FAM193A: variants seen among roughly 807,000 people sequenced by gnomAD.
FAM193A encodes family with sequence similarity 193 member A.
A neutral mutation model predicts 126.5 loss-of-function variants in FAM193A; 22 were observed. That is an observed-to-expected ratio of 0.17 (90% CI 0.12 to 0.25). The LOEUF (loss-of-function observed/expected upper bound fraction) is 0.25. Among genes scored for constraint, FAM193A ranks in the 10% least tolerant of loss-of-function variants. The pLI, the probability that FAM193A is intolerant of heterozygous loss-of-function variation, is 1.00. For missense variants in FAM193A, 1,675 were observed against 1,672.8 expected, an observed-to-expected ratio of 1.00 and a Z score of -0.02; for synonymous variants, 761 against 646.8, an observed-to-expected ratio of 1.18 and a Z score of -2.68.
At chr4:2,590,537 G>GA (rs1740511503) in intron 1 of FAM193A, among the ~76,000 whole-genome samples, 1 of 126,110 alleles carries the variant, frequency 7.9e-6, no homozygotes, top group African/African-American at 2.8e-5. Flanking sequence ...TTAAAAAACA[G>GA]AAAATTGTGA....
intron 13 of FAM193A, among the ~76,000 whole-genome samples, chr4:2,684,254 G>A (rs1341184224): frequency 6.6e-6 from 1 of 152,082 alleles, no homozygotes; most frequent in African/African-American, 2.4e-5. Context: ...TTTTCTCCCA[G>A]TTCCATGTTC....
intron 20 of FAM193A, among the ~76,000 whole-genome samples, chr4:2,725,158 C>T (rs561137503): frequency 7.9e-5 from 12 of 152,116 alleles, no homozygotes; most frequent in Admixed American, 5.9e-4. Flanking sequence ...GGATTACAGG[C>T]GTGAGCCACC....
intron 2 of FAM193A, among the ~76,000 whole-genome samples, chr4:2,598,279 C>G (rs1348004064): frequency 6.6e-6 from 1 of 152,120 alleles, no homozygotes; most frequent in African/African-American, 2.4e-5. Flanking sequence ...GAGAGTTACC[C>G]AAAATGTTGC....
chr4:2,730,470 C>T (rs372665942), intron 20 of FAM193A, among the ~76,000 whole-genome samples: 18 of 152,168 alleles, frequency 1.2e-4, no homozygotes, highest in African/African-American at 3.6e-4. Context: ...GAGGGCAGAT[C>T]ACAAGGTCAG....
intron 19 of FAM193A, among the ~76,000 whole-genome samples, chr4:2,706,379 C>G (rs1053810657): frequency 2.1e-5 from 3 of 144,720 alleles, no homozygotes; most frequent in African/African-American, 7.6e-5. Flanking sequence ...TCACTGCAAC[C>G]CCTGCCTCCT....
intron 1 of FAM193A, among the ~76,000 whole-genome samples, chr4:2,540,953 T>A (rs1405072698): frequency 1.4e-5 from 2 of 142,688 alleles, no homozygotes; most frequent in African/African-American, 2.7e-5. Flanking sequence ...AGTGCAAGAC[T>A]GTGTCTCAAA....
At chr4:2,577,055 T>C (rs1312166262) in intron 1 of FAM193A, among the ~76,000 whole-genome samples, 1 of 152,238 alleles carries the variant, frequency 6.6e-6, no homozygotes, top group Non-Finnish European at 1.5e-5. Flanking sequence ...TGTTACCTTA[T>C]CTAAGGTTTT....
rs116466071 is a variant in FAM193A at position 2,681,609 on chromosome 4, C to T, written c.2332-7897C>T. On this transcript the variant is annotated intron_variant, in intron 13 of 20. Coordinates refer to ENST00000637812, the MANE Select transcript of FAM193A (RefSeq NM_001366318.2). Reference sequence around the variant, plus strand: ...GACTACAGGTGTGTGCCACCATGCCCAGCTATCTATCTGTCTGTCTATGTA... The same window carrying T: ...GACTACAGGTGTGTGCCACCATGCCTAGCTATCTATCTGTCTGTCTATGTA... Among the ~76,000 whole-genome samples the T allele has an allele frequency of 8.7e-3, 1,325 of 152,162 alleles. 17 individuals are homozygous for T. Among genetic ancestry groups the T allele is most frequent in the African/African-American group, 0.031 (1,272 of 41,484 alleles).
At chr4:2,542,065 G>A (rs933050543) in intron 1 of FAM193A, among the ~76,000 whole-genome samples, 1 of 151,648 alleles carries the variant, frequency 6.6e-6, no homozygotes, top group African/African-American at 2.4e-5. Flanking sequence ...ACCCCAGCTG[G>A]CGTACAGTGG....
At chr4:2,536,006 G>A (rs1431110656), upstream of FAM193A, among the ~76,000 whole-genome samples, 1 of 152,104 alleles carries the variant, frequency 6.6e-6, no homozygotes, top group Non-Finnish European at 1.5e-5. Context: ...ACGAGGCAGG[G>A]ATTCTGTGGT....
intron 1 of FAM193A, among the ~76,000 whole-genome samples, chr4:2,555,881 G>A (rs1738224944): frequency 1.3e-5 from 2 of 151,644 alleles, no homozygotes; most frequent in Admixed American, 1.3e-4. Context: ...CTCCCAAAGT[G>A]CTGGGATTAC....
chr4:2,565,890 T>A (rs913172159), intron 1 of FAM193A, among the ~76,000 whole-genome samples: 1 of 152,234 alleles, frequency 6.6e-6, no homozygotes, highest in Non-Finnish European at 1.5e-5. Context: ...TGAATGTTTT[T>A]CTTTTACATA....
chr4:2,684,327 C>T (rs759135986), intron 13 of FAM193A, among the ~76,000 whole-genome samples: 7 of 152,112 alleles, frequency 4.6e-5, no homozygotes, highest in Non-Finnish European at 7.4e-5. Flanking sequence ...TAGCCTGCCA[C>T]TTAAGTCCTG....
chr4:2,677,937 G>A (rs77497899), intron 13 of FAM193A, among the ~76,000 whole-genome samples: 3,960 of 152,040 alleles, frequency 0.026, 182 homozygotes, highest in African/African-American at 0.09. Context: ...AACAAATATG[G>A]TATGTGTTTT....
intron 1 of FAM193A, among the ~76,000 whole-genome samples, chr4:2,538,197 CTTTT>C (rs940079359): frequency 6.9e-6 from 1 of 144,758 alleles, no homozygotes; most frequent in Non-Finnish European, 1.5e-5. Context: ...ACAAATTGTT[CTTTT>C]TTTTTTTTTC....
intron 20 of FAM193A, among the ~76,000 whole-genome samples, chr4:2,718,655 A>G (rs1719798268): frequency 6.6e-6 from 1 of 152,124 alleles, no homozygotes; most frequent in Non-Finnish European, 1.5e-5. Flanking sequence ...TGAGCCTGAG[A>G]GGTGGAGGTT....
chr4:2,607,993 C>T (rs1252034534), intron 2 of FAM193A: 1 of 1,585,240 alleles, frequency 6.3e-7, no homozygotes, highest in Non-Finnish European at 8.6e-7. Context: ...CCACTCACCA[C>T]AGCCCCTGCT....
chr4:2,696,149 A>T (rs542128604), intron 17 of FAM193A: 1 of 489,032 alleles, frequency 2.0e-6, no homozygotes, highest in East Asian at 3.5e-5. Flanking sequence ...TTTTTCATGA[A>T]TATGTAAAAT....
At chr4:2,563,975 TCTTA>T (rs939017756) in intron 1 of FAM193A, among the ~76,000 whole-genome samples, 16 of 152,364 alleles carry the variant, frequency 1.1e-4, no homozygotes, top group East Asian at 5.8e-4. Context: ...TTTTGAGTTT[TCTTA>T]CTTTTATTTC....
Sources: gnomAD v4.1 joint callset for allele counts (sites outside exome capture counted in the v4.1 genomes callset) on GRCh38, gnomAD v4.1.1 for gene constraint, MANE v1.5 for transcripts, NCBI Gene and HGNC (gene_info 2026-07-23, HGNC 2026-07-21) for gene names.